The following PTPRD variants were observed in gnomAD, a reference collection of about 807,000 sequenced individuals.
The protein encoded by PTPRD is receptor-type tyrosine-protein phosphatase delta.
PTPRD carries 34 observed loss-of-function variants against 214.5 expected under a neutral mutation model. The ratio of observed to expected loss-of-function variants is 0.16; its 90% CI spans 0.12 to 0.21. The LOEUF (loss-of-function observed/expected upper bound fraction) is 0.21. Among genes scored for constraint, PTPRD ranks in the 10% least tolerant of loss-of-function variants. The pLI, the probability that PTPRD is intolerant of heterozygous loss-of-function variation, is 1.00. For synonymous variants in PTPRD, 1,128 were observed against 845.7 expected (o/e 1.33, Z -5.79); for missense variants, 2,545 against 2,398.7 (o/e 1.06, Z -1.27).
At chr9:9,828,026 A>G (rs1598950304) in intron 5 of PTPRD, among the ~76,000 whole-genome samples, 1 of 152,166 alleles carries the variant, frequency 6.6e-6, no homozygotes, top group South Asian at 2.1e-4. Flanking sequence ...GAGGATGTGG[A>G]GAAATAGGAA....
chr9:9,048,917 T>C (rs368042465), intron 10 of PTPRD, among the ~76,000 whole-genome samples: 1 of 152,214 alleles, frequency 6.6e-6, no homozygotes, highest in Non-Finnish European at 1.5e-5. Context: ...AAACATCTCA[T>C]GTACCCCATA....
chr9:10,313,703 G>A (rs1412926527), intron 3 of PTPRD, among the ~76,000 whole-genome samples: 1 of 151,934 alleles, frequency 6.6e-6, no homozygotes, highest in African/African-American at 2.4e-5. Flanking sequence ...CCACTTGGAT[G>A]CATTTGCATC....
chr9:10,170,913 C>T (rs2099199706), intron 3 of PTPRD, among the ~76,000 whole-genome samples: 1 of 152,184 alleles, frequency 6.6e-6, no homozygotes, highest in East Asian at 1.9e-4. Flanking sequence ...TTCAAGAACA[C>T]ACCCTCATTA....
chr9:10,601,390 T>G (rs1350551222), intron 2 of PTPRD, among the ~76,000 whole-genome samples: 2 of 151,766 alleles, frequency 1.3e-5, no homozygotes, highest in East Asian at 3.9e-4. Context: ...GAGGCTACCA[T>G]AAATTTGATG....
At chr9:9,643,425 A>G (rs1222511597) in intron 7 of PTPRD, among the ~76,000 whole-genome samples, 14 of 152,152 alleles carry the variant, frequency 9.2e-5, no homozygotes. Flanking sequence ...GACTGTTAGA[A>G]AAACAGCTTT....
At chr9:10,297,307 A>G (rs1363850622) in intron 3 of PTPRD, among the ~76,000 whole-genome samples, 3 of 151,836 alleles carry the variant, frequency 2.0e-5, no homozygotes, top group African/African-American at 7.3e-5. Flanking sequence ...GAATCATATA[A>G]ATAAAAATAA....
chr9:9,472,782 TA>T (rs2094716636), intron 8 of PTPRD, among the ~76,000 whole-genome samples: 1 of 152,190 alleles, frequency 6.6e-6, no homozygotes, highest in African/African-American at 2.4e-5. Context: ...CCTAACAATT[TA>T]AAACTGAAAT....
intron 9 of PTPRD, among the ~76,000 whole-genome samples, chr9:9,350,825 T>A (rs10119801): frequency 0.014 from 2,071 of 152,162 alleles, 50 homozygotes; most frequent in African/African-American, 0.047. Context: ...CATGTTAAAG[T>A]AGTAAAAGGA....
chr9:10,582,184 A>T (rs969608932), intron 2 of PTPRD, among the ~76,000 whole-genome samples: 3 of 152,174 alleles, frequency 2.0e-5, no homozygotes, highest in African/African-American at 7.2e-5. Flanking sequence ...GTGCCCCTGG[A>T]TTAATGGCCA....
chr9:9,075,131 T>A (rs2099749155), intron 10 of PTPRD, among the ~76,000 whole-genome samples: 2 of 152,100 alleles, frequency 1.3e-5, no homozygotes, highest in African/African-American at 4.8e-5. Flanking sequence ...CTTTTGATAA[T>A]CTGTGTTTAA....
intron 2 of PTPRD, among the ~76,000 whole-genome samples, chr9:10,557,779 C>G (rs1476662375): frequency 6.6e-6 from 1 of 152,096 alleles, no homozygotes; most frequent in East Asian, 1.9e-4. Flanking sequence ...GAGGTCATTT[C>G]CAAAGAGAAG....
intron 7 of PTPRD, among the ~76,000 whole-genome samples, chr9:9,624,045 C>G (rs1392491334): frequency 6.6e-6 from 1 of 152,078 alleles, no homozygotes; most frequent in Admixed American, 6.5e-5. Context: ...ATGATTAGAG[C>G]AAATCAGACA....
intron 7 of PTPRD, among the ~76,000 whole-genome samples, chr9:9,576,403 G>A (rs781668618): frequency 6.6e-6 from 1 of 152,062 alleles, no homozygotes. Context: ...GACCTCCCGG[G>A]CTCATTTGTA....
intron 10 of PTPRD, among the ~76,000 whole-genome samples, chr9:9,177,398 GACC>G (rs2099925557): frequency 6.6e-6 from 1 of 152,036 alleles, no homozygotes; most frequent in South Asian, 2.1e-4. Flanking sequence ...ACCATATCAC[GACC>G]CTAATTGTTT....
At chr9:9,466,084 G>C (rs1265356665) in intron 8 of PTPRD, among the ~76,000 whole-genome samples, 1 of 152,092 alleles carries the variant, frequency 6.6e-6, no homozygotes, top group Non-Finnish European at 1.5e-5. Flanking sequence ...GAGATGAATG[G>C]ATCTCTTGAT....
intron 2 of PTPRD, among the ~76,000 whole-genome samples, chr9:10,381,821 G>C (rs919141100): frequency 1.3e-5 from 2 of 151,870 alleles, no homozygotes; most frequent in Non-Finnish European, 2.9e-5. Context: ...ATAACTGCTA[G>C]GTATTTCACC....
chr9:10,121,239 T>C (rs1317365453), intron 3 of PTPRD, among the ~76,000 whole-genome samples: 1 of 152,194 alleles, frequency 6.6e-6, no homozygotes, highest in East Asian at 1.9e-4. Flanking sequence ...TTAAATTGTC[T>C]TTCTTTAGCC....
At chr9:10,445,635 C>G (rs985324726) in intron 2 of PTPRD, among the ~76,000 whole-genome samples, 5 of 151,978 alleles carry the variant, frequency 3.3e-5, no homozygotes, top group African/African-American at 1.2e-4. Context: ...CCAATGAAAC[C>G]ATTAAGATAG....
intron 9 of PTPRD, among the ~76,000 whole-genome samples, chr9:9,276,593 G>T (rs1384354003): frequency 6.6e-6 from 1 of 151,238 alleles, no homozygotes; most frequent in Non-Finnish European, 1.5e-5. Context: ...TGACCTCCAT[G>T]AGAGCACATG....
Sources: allele counts gnomAD v4.1 joint callset (sites outside exome capture counted in the v4.1 genomes callset), GRCh38; gene constraint gnomAD v4.1.1; transcripts MANE v1.5; gene names NCBI Gene and HGNC (gene_info 2026-07-23, HGNC 2026-07-21).